SCNN1G: variants seen among roughly 807,000 people sequenced by gnomAD.
SCNN1G encodes the protein epithelial sodium channel subunit gamma.
A neutral mutation model predicts 64.6 loss-of-function variants in SCNN1G; 27 were observed. That is an observed-to-expected ratio of 0.42 (90% confidence interval 0.31 to 0.58). SCNN1G has a LOEUF of 0.58. Ranked by LOEUF, SCNN1G falls within the 20% of genes least tolerant of loss-of-function variation. The probability of loss-of-function intolerance (pLI) is 0.18; values close to 1 mark genes in which losing one functional copy is unlikely to be tolerated. For synonymous variants in SCNN1G, 330 were observed against 314.2 expected, an observed-to-expected ratio of 1.05 and a Z score of -0.53; for missense variants, 743 against 823.4, an observed-to-expected ratio of 0.90 and a Z score of 1.19.
intron 3 of SCNN1G, among the ~76,000 whole-genome samples, chr16:23,191,984 A>G (rs767055671): frequency 3.3e-5 from 5 of 152,142 alleles, no homozygotes; most frequent in Admixed American, 1.3e-4. Flanking sequence ...TGGAATCCAG[A>G]TGTCTTGACT....
At chr16:23,196,026 T>C (rs909694303) in intron 5 of SCNN1G, 1 of 152,122 alleles carries the variant, frequency 6.6e-6, no homozygotes, top group African/African-American at 2.4e-5. Context: ...ACTTACATTT[T>C]CGTGGGGAGA....
At chr16:23,191,499 C>T (rs1959707827) in intron 3 of SCNN1G, among the ~76,000 whole-genome samples, 1 of 152,180 alleles carries the variant, frequency 6.6e-6, no homozygotes, top group South Asian at 2.1e-4. Flanking sequence ...AATCATAGCT[C>T]ACTGCAGCCT....
rs1386544654 is a variant in SCNN1G at position 23,194,216 on chromosome 16, T to C, written c.855T>C (p.Thr285=). The change falls in exon 5 of 13, where the codon ACT becomes ACC. Residue 285 remains threonine (T), a synonymous_variant. Transcript: ENST00000300061. ...FHHPMHGNCY[T]FNNRENETIL... ...ACCCGATGCATGGGAATTGCTATAC[T>C]TTCAACAACAGAGAAAATGAGACCA... 1 of 1,613,954 alleles carries C rather than the reference T, an allele frequency of 6.2e-7. No individual in the cohort carries two copies. Among genetic ancestry groups the C allele is most frequent in the African/African-American group, 1.3e-5 (1 of 74,914 alleles).
In SCNN1G at chr16:23,215,080, G is replaced by C. The variant is rs72647540; in HGVS notation, c.1570-9G>C. 3.1e-6 allele frequency: 5 copies of C among 1,613,914 alleles called. No homozygotes were observed. Among genetic ancestry groups the C allele is most frequent in the Non-Finnish European group, 4.2e-6 (5 of 1,179,996 alleles). On this transcript the variant is annotated splice_polypyrimidine_tract_variant and intron_variant, in intron 12 of 12. Transcript: ENST00000300061. ...TCCTCTTGATGGTGTGGCTTGGCCT[G>C]TCTTGCAGATTGAGATGCTTCTGTC...
At position 23,212,123 on chromosome 16, in the gene SCNN1G, CT is replaced by C; in HGVS notation, c.1267del (p.Cys423AlafsTer42). ...SQPLPPAANY[C>X]NYQQHPNWMY... ...AGCCTCTACCTCCTGCAGCCAACTA[CT>C]GCAACTACCAGCAGCACCCCAACTG... is the stretch of plus-strand genomic sequence containing the variant. On this transcript the variant is annotated frameshift_variant, in exon 8 of 13. Coordinates refer to ENST00000300061, the MANE Select transcript of SCNN1G (RefSeq NM_001039.4). LOFTEE classifies it high-confidence loss of function. 1 of 1,613,230 alleles carries C rather than the reference CT, an allele frequency of 6.2e-7. No homozygotes were observed. The highest frequency in any genetic ancestry group is 8.5e-7 in the Non-Finnish European group (1 of 1,179,204).
At chr16:23,189,708 G>A (rs1179162660) in intron 3 of SCNN1G, 37 bp downstream of exon 3, 1 of 1,596,894 alleles carries the variant, frequency 6.3e-7, no homozygotes. Flanking sequence ...ACTGCTTAGG[G>A]GCATGGGATG....
chr16:23,198,675 G>C (rs888493260), intron 6 of SCNN1G, among the ~76,000 whole-genome samples: 10 of 151,354 alleles, frequency 6.6e-5, no homozygotes, highest in African/African-American at 2.4e-4. Context: ...GGAGGTCGAG[G>C]CTTCAGTGAG....
At chr16:23,196,422 G>A (rs192165536) in intron 5 of SCNN1G, 1 of 152,312 alleles carries the variant, frequency 6.6e-6, no homozygotes, top group Admixed American at 6.5e-5. Flanking sequence ...ATGCAGCCAG[G>A]TTTATTCTGT....
chr16:23,202,506 T>A (rs186383205), intron 6 of SCNN1G, among the ~76,000 whole-genome samples: 100 of 152,312 alleles, frequency 6.6e-4, no homozygotes, highest in African/African-American at 2.1e-3. Context: ...AGACAAAGAA[T>A]GTAGCAATTA....
In SCNN1G at chr16:23,215,851, C is replaced by T. The variant is rs1347013280; in HGVS notation, c.*382C>T. On this transcript the variant is annotated 3_prime_UTR_variant, in exon 13 of 13. Coordinates refer to ENST00000300061, the MANE Select transcript of SCNN1G (RefSeq NM_001039.4). ...GCCCCAAAGCCGAGGGTTTCACCCACACTGCCAGCCTGGGTTGGGGCCCAA... is the reference window on the plus strand; with the variant it reads ...GCCCCAAAGCCGAGGGTTTCACCCATACTGCCAGCCTGGGTTGGGGCCCAA... The T allele has an allele frequency of 3.6e-5, 11 of 301,920 alleles. No individual in the cohort carries two copies. 18.7% of individuals were successfully genotyped at this position (301,920 alleles called of 1,614,324 possible).
chr16:23,191,046 T>C (rs1015365173), intron 3 of SCNN1G, among the ~76,000 whole-genome samples: 1 of 152,050 alleles, frequency 6.6e-6, no homozygotes, highest in Non-Finnish European at 1.5e-5. Flanking sequence ...GGTTTCACCA[T>C]GTTGGTCAGG....
rs1288160911 is a variant in SCNN1G, at chr16:23,189,676, G to A, written c.618+5G>A. The A allele has an allele frequency of 2.5e-6, 4 of 1,613,798 alleles. No homozygotes were observed. The highest frequency in any genetic ancestry group is 3.4e-6 in the Non-Finnish European group (4 of 1,179,762). On this transcript the variant is annotated splice_donor_5th_base_variant and intron_variant, in intron 3 of 12. Transcript: ENST00000300061. ...CAAGTGGTGGGATTCCAACTGGTAA[G>A]ATTTCACCTTCTCATTCTTTCACTG... is the stretch of plus-strand genomic sequence containing the variant.
At chr16:23,200,633 G>C (rs770779722) in intron 6 of SCNN1G, among the ~76,000 whole-genome samples, 2 of 152,200 alleles carry the variant, frequency 1.3e-5, no homozygotes, top group African/African-American at 2.4e-5. Context: ...AGAGTCTAGA[G>C]TCCAGCAGAG....
intron 11 of SCNN1G, among the ~76,000 whole-genome samples, chr16:23,214,209 T>G (rs1430870508): frequency 6.6e-6 from 1 of 152,222 alleles, no homozygotes; most frequent in East Asian, 1.9e-4. Flanking sequence ...ATCTGCGAAA[T>G]GAGGATGATG....
rs747013624 is a variant in SCNN1G, at chr16:23,215,045, G to T, written c.1570-44G>T. The stretch of plus-strand genomic sequence containing the variant: ...CAGGGTTCCTGTGTGAGGCCAACTT[G>T]GGGGGAGGTTCCTCTTGATGGTGTG... On this transcript the variant is annotated intron_variant, in intron 12 of 12. Coordinates refer to ENST00000300061, the MANE Select transcript of SCNN1G (RefSeq NM_001039.4). 18 of 1,611,744 alleles carry T rather than the reference G, an allele frequency of 1.1e-5. No homozygotes were observed. In the South Asian group the frequency reaches 1.3e-4, roughly 12 times the overall value.
intron 11 of SCNN1G, among the ~76,000 whole-genome samples, chr16:23,213,422 T>A (rs1412911338): frequency 6.6e-6 from 1 of 152,062 alleles, no homozygotes. Flanking sequence ...CTGGCTAATT[T>A]TATATTTTTA....
At chr16:23,209,688 G>A in intron 6 of SCNN1G, 62 bp from the exon 7 acceptor site, 2 of 1,263,686 alleles carry the variant, frequency 1.6e-6, no homozygotes, top group East Asian at 2.3e-5. Flanking sequence ...GGTGCTCCTT[G>A]CAAAGCCCCC....
chr16:23,215,206 CGCCGCCA>C lies in SCNN1G; in HGVS notation c.1689_1695del (p.Arg564GlyfsTer33). On this transcript the variant is annotated frameshift_variant, in exon 13 of 13. Coordinates refer to ENST00000300061, the MANE Select transcript of SCNN1G (RefSeq NM_001039.4). LOFTEE classifies it low-confidence loss of function (END_TRUNC). ...CATTGACTTCTTCTCTATCATTGCC[CGCCGCCA>C]GTGGCAGAAAGCCAAGGAGTGGTGG... 1 of 1,614,136 alleles carries C rather than the reference CGCCGCCA, an allele frequency of 6.2e-7. No individual in the cohort carries two copies. Among genetic ancestry groups the C allele is most frequent in the Non-Finnish European group, 8.5e-7 (1 of 1,180,034 alleles).
At chr16:23,210,750 G>A (rs1332539263) in intron 7 of SCNN1G, among the ~76,000 whole-genome samples, 1 of 152,060 alleles carries the variant, frequency 6.6e-6, no homozygotes, top group Non-Finnish European at 1.5e-5. Flanking sequence ...AGGACTTTTG[G>A]GCCAGGCATG....
Sources: allele counts gnomAD v4.1 joint callset (sites outside exome capture counted in the v4.1 genomes callset), GRCh38; gene constraint gnomAD v4.1.1; transcripts MANE v1.5; gene names NCBI Gene and HGNC (gene_info 2026-07-23, HGNC 2026-07-21).